The following GPHN variants were observed in gnomAD, a reference collection of about 807,000 sequenced individuals.
The protein encoded by GPHN is gephyrin.
Under a neutral mutation model 95.5 loss-of-function variants are expected in GPHN, and 17 were observed. The ratio of observed to expected loss-of-function variants is 0.18; its 90% confidence interval spans 0.12 to 0.27. The LOEUF (loss-of-function observed/expected upper bound fraction) is 0.27, where lower values mean the gene tolerates loss of function less well. GPHN is among the 10% of genes least tolerant of loss of function. The pLI is 1.00. For missense variants in GPHN, 660 were observed against 978.1 expected (o/e 0.67, Z 4.34); for synonymous variants, 320 against 322.5 (o/e 0.99, Z 0.08).
chr14:67,658,079 T>C, the GPHN span, among the ~76,000 whole-genome samples: 1 of 152,094 alleles, frequency 6.6e-6, no homozygotes, highest in African/African-American at 2.4e-5. Context: ...ATAAATGGCA[T>C]ACAGACCAGT....
At chr14:66,946,173 G>A (rs1041315976) in intron 8 of GPHN, among the ~76,000 whole-genome samples, 6 of 152,020 alleles carry the variant, frequency 3.9e-5, no homozygotes, top group African/African-American at 1.4e-4. Flanking sequence ...TTTTTTAAAA[G>A]CATGAAAGGT....
the GPHN span, chr14:67,592,748 C>T: frequency 1.8e-4 from 226 of 1,236,026 alleles, no homozygotes; most frequent in African/African-American, 2.9e-3. Context: ...ATAGCAAAGT[C>T]TAAGTGAAAC....
chr14:66,694,185 G>A (rs1345101660), intron 2 of GPHN, among the ~76,000 whole-genome samples: 2 of 152,078 alleles, frequency 1.3e-5, no homozygotes, highest in Non-Finnish European at 2.9e-5. Flanking sequence ...TCATGAATTG[G>A]ATTAGTGTCC....
At chr14:66,862,030 A>T (rs1785711936) in intron 4 of GPHN, among the ~76,000 whole-genome samples, 2 of 152,070 alleles carry the variant, frequency 1.3e-5, no homozygotes, top group Non-Finnish European at 2.9e-5. Flanking sequence ...GGAAATACAA[A>T]AAGATCAACA....
At chr14:66,629,861 C>A (rs2063722099) in intron 1 of GPHN, among the ~76,000 whole-genome samples, 1 of 152,168 alleles carries the variant, frequency 6.6e-6, no homozygotes, top group Non-Finnish European at 1.5e-5. Flanking sequence ...TCTATTTAAT[C>A]TCCCTTCTAG....
chr14:67,306,789 G>A, the GPHN span, among the ~76,000 whole-genome samples: 3 of 152,134 alleles, frequency 2.0e-5, no homozygotes, highest in Non-Finnish European at 4.4e-5. Flanking sequence ...TGTCCAGAAA[G>A]GAAACAGTAA....
At chr14:67,718,052 G>A in the GPHN span, among the ~76,000 whole-genome samples, 1 of 152,154 alleles carries the variant, frequency 6.6e-6, no homozygotes, top group African/African-American at 2.4e-5. Flanking sequence ...TCAAGAAAAA[G>A]GAACAACAAG....
chr14:67,582,116 T>G, the GPHN span: 1 of 1,613,432 alleles, frequency 6.2e-7, no homozygotes. The surrounding 1 kb of genome is among the most constrained non-coding windows in gnomAD (Gnocchi z 5.0). Flanking sequence ...CGAGAACGGC[T>G]GCTCCTTGCC....
chr14:67,594,032 GA>G, the GPHN span: 1 of 893,742 alleles, frequency 1.1e-6, no homozygotes, highest in Non-Finnish European at 1.8e-6. Flanking sequence ...AACATGCATG[GA>G]GGAAAAGGAA....
intron 1 of GPHN, among the ~76,000 whole-genome samples, chr14:66,577,752 A>G (rs565897319): frequency 2.0e-5 from 3 of 152,212 alleles, no homozygotes; most frequent in South Asian, 4.1e-4. Context: ...GGAATTTTGC[A>G]TGAGGAGAGG....
intron 14 of GPHN, 76 bp downstream of exon 14, chr14:67,110,335 G>A: frequency 6.5e-7 from 1 of 1,539,160 alleles, no homozygotes; most frequent in Non-Finnish European, 9.0e-7. Flanking sequence ...TGCAGTGTTT[G>A]TGAGATTAAC....
chr14:67,559,448 G>T, the GPHN span, among the ~76,000 whole-genome samples: 1 of 152,060 alleles, frequency 6.6e-6, no homozygotes, highest in Non-Finnish European at 1.5e-5. Context: ...TTTAAATTTT[G>T]TGTTACCTTA....
chr14:67,457,234 A>G, the GPHN span, among the ~76,000 whole-genome samples: 1 of 152,170 alleles, frequency 6.6e-6, no homozygotes, highest in Non-Finnish European at 1.5e-5. Context: ...CAGACACTCA[A>G]TTTACCTATA....
the GPHN span, chr14:67,198,902 C>T: frequency 7.2e-6 from 5 of 692,128 alleles, no homozygotes; most frequent in South Asian, 7.5e-5. Context: ...CTCTAAAGTT[C>T]CTAGAAATTC....
intron 2 of GPHN, among the ~76,000 whole-genome samples, chr14:66,686,512 A>T (rs933023127): frequency 1.3e-5 from 2 of 152,136 alleles, no homozygotes; most frequent in South Asian, 2.1e-4. Flanking sequence ...CTTTGTAGCA[A>T]TTGTGAATGG....
chr14:66,671,419 G>T (rs2066300940), intron 1 of GPHN, among the ~76,000 whole-genome samples: 1 of 152,188 alleles, frequency 6.6e-6, no homozygotes, highest in Middle Eastern at 3.2e-3. Flanking sequence ...CAGGAAAGGA[G>T]ATTTTGCTTC....
the GPHN span, chr14:67,387,468 AAAG>A: frequency 3.8e-6 from 6 of 1,597,098 alleles, no homozygotes; most frequent in East Asian, 1.4e-4. Flanking sequence ...TAGGCAGAAA[AAAG>A]GGGGAAAAAA....
intron 1 of GPHN, among the ~76,000 whole-genome samples, chr14:66,649,821 T>C (rs1014607665): frequency 1.3e-5 from 2 of 152,198 alleles, no homozygotes; most frequent in African/African-American, 4.8e-5. Flanking sequence ...AGTGAGGTGA[T>C]GTACTTCAAT....
chr14:67,696,424 G>C, the GPHN span, among the ~76,000 whole-genome samples: 2 of 152,136 alleles, frequency 1.3e-5, no homozygotes, highest in African/African-American at 4.8e-5. Flanking sequence ...TCCTCCTCGA[G>C]GATTCCTTTT....
Sources: allele counts gnomAD v4.1 joint callset (sites outside exome capture counted in the v4.1 genomes callset), GRCh38; gene constraint gnomAD v4.1.1; non-coding constraint Gnocchi (gnomAD v3.1); transcripts MANE v1.5; gene names NCBI Gene and HGNC (gene_info 2026-07-23, HGNC 2026-07-21).